Variants in DOCK11 observed in about 807,000 individuals in gnomAD.
DOCK11 encodes dedicator of cytokinesis protein 11.
Under a neutral mutation model 169.1 loss-of-function variants are expected in DOCK11, and 70 were observed. That is an observed-to-expected ratio of 0.41 (90% CI 0.34 to 0.51). The LOEUF is 0.51. Among genes scored for constraint, DOCK11 ranks in the 20% least tolerant of loss-of-function variants. The probability of loss-of-function intolerance (pLI) is 0.10; values close to 1 mark genes in which losing one functional copy is unlikely to be tolerated. For missense variants in DOCK11, 1,166 were observed against 1,538.8 expected, an observed-to-expected ratio of 0.76 and a Z score of 4.05; for synonymous variants, 529 against 541.3, an observed-to-expected ratio of 0.98 and a Z score of 0.32.
chrX:118,624,434 G>T, intron 31 of DOCK11, 105 bp from the exon 32 acceptor site: 1 of 497,459 alleles, frequency 2.0e-6, no homozygotes, highest in Non-Finnish European at 3.4e-6. Context: ...TGTTATGGAT[G>T]TTAGCCTACT....
Position 118,671,160 on chromosome X carries a change from C to T in DOCK11, c.5199+15C>T. 1 of 1,189,505 alleles carries T rather than the reference C, an allele frequency of 8.4e-7. No individual in the cohort carries two copies. Among genetic ancestry groups the T allele is most frequent in the South Asian group, 1.8e-5 (1 of 54,356 alleles). On this transcript the variant is annotated intron_variant, in intron 46 of 52. Transcript: ENST00000276202. ...GTGAGTTTGAGGTAGGCAATTTGAACATTTTTATCATTGACTTATGTATTT... is the reference window on the plus strand; with the variant it reads ...GTGAGTTTGAGGTAGGCAATTTGAATATTTTTATCATTGACTTATGTATTT...
chrX:118,676,041 T>C lies in DOCK11; in HGVS notation c.5305T>C (p.Tyr1769His), dbSNP rs2016601223. The change falls in exon 47 of 53, where the codon TAT (tyrosine) becomes CAT (histidine). Residue 1769 changes from tyrosine (Y) to histidine (H), a missense_variant. By Grantham distance (83) the Tyr-to-His change is moderately conservative (BLOSUM62 2). Transcript: ENST00000276202. The part of the protein sequence containing the change: ...LLGTFFRVAF[Y>H]GQSFFEEEDG... ...AGGCACTTTCTTCAGAGTTGCCTTT[T>C]ATGGCCAAGTAAGTGTACTTGAATC... is the stretch of plus-strand genomic sequence containing the variant. The C allele has an allele frequency of 8.7e-7, 1 of 1,150,315 alleles. No homozygotes were observed. The highest frequency in any genetic ancestry group is 2.5e-5 in the Admixed American group (1 of 39,540). The allele number at this position is 1,150,315 out of a possible 1,213,427, so 94.8% of individuals were successfully genotyped here. A position where few individuals can be genotyped will look rare whatever the true frequency, so the allele number is the denominator to read the frequency against.
At chrX:118,535,253 T>TC (rs1447389513) in intron 1 of DOCK11, among the ~76,000 whole-genome samples, 1 of 111,617 alleles carries the variant, frequency 9.0e-6, no homozygotes, top group African/African-American at 3.3e-5. Flanking sequence ...GGCTTGGGAG[T>TC]CCATCAGATA....
chrX:118,557,912 G>C (rs1329347934), intron 6 of DOCK11, among the ~76,000 whole-genome samples: 1 of 108,412 alleles, frequency 9.2e-6, no homozygotes, highest in African/African-American at 3.4e-5. Flanking sequence ...ATTTGGGCAA[G>C]ATTCTCTTTG....
At chrX:118,576,736 A>G (rs1348975080) in intron 12 of DOCK11, among the ~76,000 whole-genome samples, 1 of 112,612 alleles carries the variant, frequency 8.9e-6, no homozygotes, top group Non-Finnish European at 1.9e-5. Context: ...CAACTATCTT[A>G]AAATTATAGT....
chrX:118,602,286 C>A (rs2014368368), intron 23 of DOCK11, among the ~76,000 whole-genome samples: 1 of 109,637 alleles, frequency 9.1e-6, no homozygotes, highest in Admixed American at 9.8e-5. Context: ...TTACCATCCA[C>A]TTGTTGAGCT....
chrX:118,529,789 T>A (rs1284268723), intron 1 of DOCK11, among the ~76,000 whole-genome samples: 3 of 110,945 alleles, frequency 2.7e-5, no homozygotes, highest in African/African-American at 9.9e-5. Context: ...AGGCAGCCTC[T>A]TGGGGTCTTG....
chrX:118,579,589 C>T lies in DOCK11; in HGVS notation c.1513-508C>T, dbSNP rs138078386. The stretch of plus-strand genomic sequence containing the variant: ...AGGGATAAGCATCCAGCCAGCATTT[C>T]GAGTCTGTTTAGACTCTATAGGCAG... On this transcript the variant is annotated intron_variant, in intron 13 of 52. Coordinates refer to ENST00000276202, the MANE Select transcript of DOCK11 (RefSeq NM_144658.4). Among the ~76,000 whole-genome samples, 11 of 112,053 alleles carry T rather than the reference C, an allele frequency of 9.8e-5. No homozygotes were observed. The East Asian group carries it at 3.1e-3, about 31-fold the overall frequency.
Position 118,542,738 on chromosome X carries a change from T to C in DOCK11, c.116T>C (p.Val39Ala). ...RGSVVLEKAK[V>A]VEPLDYENVI... ...TCTCTTATAAAGGAAAAGGCCAAAGTTGTTGAGCCCCTGGACTATGAGAAT... is the reference window on the plus strand; with the variant it reads ...TCTCTTATAAAGGAAAAGGCCAAAGCTGTTGAGCCCCTGGACTATGAGAAT... Residue 39 changes from valine to alanine, a missense_variant, in exon 2 of 53, where the codon GTT becomes GCT. Coordinates refer to ENST00000276202, the MANE Select transcript of DOCK11 (RefSeq NM_144658.4). 1.7e-6 allele frequency: 2 copies of C among 1,208,192 alleles called. No homozygotes were observed. Among genetic ancestry groups the C allele is most frequent in the Non-Finnish European group, 2.2e-6 (2 of 893,233 alleles).
chrX:118,681,299 T>C, intron 50 of DOCK11, 51 bp downstream of exon 50: 1 of 1,059,168 alleles, frequency 9.4e-7, no homozygotes, highest in Non-Finnish European at 1.2e-6. Flanking sequence ...TTTCTTTTGG[T>C]TTTATAAGGG....
chrX:118,549,918 A>G (rs772064147), intron 6 of DOCK11, among the ~76,000 whole-genome samples: 1 of 111,787 alleles, frequency 8.9e-6, no homozygotes, highest in Non-Finnish European at 1.9e-5. Flanking sequence ...TGCAAAGGCC[A>G]TATTGAGGTT....
chrX:118,683,198 C>G lies in DOCK11; in HGVS notation c.6083C>G (p.Ser2028Cys), dbSNP rs2016782592. ...SNFRDMVKELSDIIHEQILQE... is the reference protein window; with the variant it reads ...SNFRDMVKELCDIIHEQILQE... The stretch of plus-strand genomic sequence containing the variant: ...TTCAGAGACATGGTAAAAGAATTAT[C>G]TGACATTATCCATGAGCAGGCAAGT... The change falls in exon 52 of 53, where the codon TCT (serine) becomes TGT (cysteine). Residue 2028 changes from serine to cysteine, a missense_variant. Transcript: ENST00000276202. 1 of 1,210,322 alleles carries G rather than the reference C, an allele frequency of 8.3e-7. No homozygotes were observed. Among genetic ancestry groups the G allele is most frequent in the African/African-American group, 1.7e-5 (1 of 57,800 alleles).
At chrX:118,668,599 T>C (rs1039201930) in intron 45 of DOCK11, among the ~76,000 whole-genome samples, 1 of 111,710 alleles carries the variant, frequency 9.0e-6, no homozygotes, top group Non-Finnish European at 1.9e-5. Flanking sequence ...CTAAAATAAT[T>C]ACTGGAAAAG....
intron 49 of DOCK11, 94 bp downstream of exon 49, chrX:118,680,786 TTTTAA>T (rs753108640): frequency 1.8e-5 from 14 of 763,696 alleles, no homozygotes; most frequent in Non-Finnish European, 2.7e-5. Flanking sequence ...ACAACTGAAA[TTTTAA>T]TTATTATTTG....
intron 31 of DOCK11, among the ~76,000 whole-genome samples, chrX:118,622,598 A>G (rs1447399093): frequency 8.9e-6 from 1 of 111,951 alleles, no homozygotes; most frequent in Non-Finnish European, 1.9e-5. Context: ...CATAATATTA[A>G]TAATAGCAGC....
intron 40 of DOCK11, among the ~76,000 whole-genome samples, chrX:118,647,891 TATATC>T (rs1388263684): frequency 2.3e-3 from 110 of 48,285 alleles, no homozygotes; most frequent in Non-Finnish European, 3.2e-3. Flanking sequence ...TATTTAATAA[TATATC>T]ATGTATTATA....
chrX:118,605,322 ACCCATGAAGATGACGTT>A lies in DOCK11; in HGVS notation c.2650_2666del (p.His884TyrfsTer16). 8.4e-7 allele frequency: 1 copy of A among 1,195,726 alleles called. No homozygotes were observed. Among genetic ancestry groups the A allele is most frequent in the Non-Finnish European group, 1.1e-6 (1 of 886,368 alleles). On this transcript the variant is annotated frameshift_variant, in exon 24 of 53. Transcript: ENST00000276202. LOFTEE classifies it high-confidence loss of function. ...ACTCTTCCGAGTTCTCACAAATATG[ACCCATGAAGATGACGTT>A]CCTATCAACTGCACCATGTGAGTTT...
chrX:118,658,246 A>G (rs1242234295), intron 44 of DOCK11, among the ~76,000 whole-genome samples: 1 of 112,433 alleles, frequency 8.9e-6, no homozygotes, highest in African/African-American at 3.2e-5. Context: ...CCTGATACAT[A>G]TCCATTGCCA....
intron 45 of DOCK11, among the ~76,000 whole-genome samples, chrX:118,668,489 T>G (rs1372381524): frequency 9.0e-6 from 1 of 111,311 alleles, no homozygotes; most frequent in Non-Finnish European, 1.9e-5. Context: ...CCAATGTTTG[T>G]CCCAAAATTG....
Sources: gnomAD v4.1 joint callset for allele counts (sites outside exome capture counted in the v4.1 genomes callset) on GRCh38, gnomAD v4.1.1 for gene constraint, MANE v1.5 for transcripts, NCBI Gene and HGNC (gene_info 2026-07-23, HGNC 2026-07-21) for gene names.